FAM8A1: variants seen among roughly 807,000 people sequenced by gnomAD.
FAM8A1 encodes the protein protein FAM8A1.
Under a neutral mutation model 38.3 loss-of-function variants are expected in FAM8A1, and 18 were observed. The ratio of observed to expected loss-of-function variants is 0.47; its 90% CI spans 0.33 to 0.70. The LOEUF (loss-of-function observed/expected upper bound fraction) is 0.70. FAM8A1 is among the 30% of genes least tolerant of loss of function. The pLI, the probability that FAM8A1 is intolerant of heterozygous loss-of-function variation, is 0.03. For missense variants in FAM8A1, 559 were observed against 559.6 expected, an observed-to-expected ratio of 1.00 and a Z score of 0.01; for synonymous variants, 246 against 234.4, an observed-to-expected ratio of 1.05 and a Z score of -0.45.
In FAM8A1 at chr6:17,600,818, G is replaced by T; in HGVS notation, c.409G>T (p.Ala137Ser). The change falls in exon 1 of 5, where the codon GCC (alanine) becomes TCC (serine). Residue 137 changes from alanine (A) to serine (S), a missense_variant. By Grantham distance (99) the Ala-to-Ser change is moderately conservative. Transcript: ENST00000259963. ...GYLTWHSGLA[A>S]FPAYCSPQPS... ...CCTCACCTGGCACAGCGGCCTGGCC[G>T]CCTTCCCAGCCTACTGCAGCCCCCA... 6.2e-7 allele frequency: 1 copy of T among 1,610,718 alleles called. No individual in the cohort carries two copies. Among genetic ancestry groups the T allele is most frequent in the South Asian group, 1.1e-5 (1 of 91,074 alleles).
rs779653266 is a variant in FAM8A1, at chr6:17,600,952, G to T, written c.543G>T (p.Gly181=). Residue 181 remains glycine (G), a synonymous_variant, in exon 1 of 5, where the codon GGG becomes GGT. Transcript: ENST00000259963. ...YYNPFYFLSP[G]AAGPDPRTAA... ...ACCCCTTCTACTTCCTGAGCCCCGGGGCCGCGGGGCCTGACCCGCGGACAG... is the reference window on the plus strand; with the variant it reads ...ACCCCTTCTACTTCCTGAGCCCCGGTGCCGCGGGGCCTGACCCGCGGACAG... 6.3e-7 allele frequency: 1 copy of T among 1,592,430 alleles called. No individual in the cohort carries two copies. The highest frequency in any genetic ancestry group is 8.5e-7 in the Non-Finnish European group (1 of 1,171,814).
In FAM8A1 at chr6:17,601,133, G is replaced by A. The variant is rs768963774; in HGVS notation, c.712+12G>A. On this transcript the variant is annotated intron_variant, in intron 1 of 4. Transcript: ENST00000259963. Reference sequence around the variant, plus strand: ...CGGGCGACAGGCAGGTGAGAAGCGCGAGGTGGAGGCTGGGCGGAGTAGAAG... The same window carrying A: ...CGGGCGACAGGCAGGTGAGAAGCGCAAGGTGGAGGCTGGGCGGAGTAGAAG... The A allele has an allele frequency of 1.9e-6, 3 of 1,580,286 alleles. No homozygotes were observed. Among genetic ancestry groups the A allele is most frequent in the South Asian group, 2.3e-5 (2 of 86,872 alleles).
chr6:17,605,365 C>T (rs564964821), intron 3 of FAM8A1, among the ~76,000 whole-genome samples: 1 of 152,310 alleles, frequency 6.6e-6, no homozygotes, highest in South Asian at 2.1e-4. Flanking sequence ...CAGGCATGAG[C>T]CACTGCACCT....
At chr6:17,604,759 G>C in intron 2 of FAM8A1, 147 bp from the exon 3 acceptor site, 1 of 585,272 alleles carries the variant, frequency 1.7e-6, no homozygotes, top group South Asian at 2.1e-5. Context: ...ATAAACTAAT[G>C]AATGCTTTAT....
rs1764120669 is a variant in FAM8A1, at chr6:17,610,262, T to C, written c.*1923T>C. 1 of 152,304 alleles carries C rather than the reference T, an allele frequency of 6.6e-6. No individual in the cohort carries two copies. The highest frequency in any genetic ancestry group is 2.1e-4 in the South Asian group (1 of 4,830). The allele number at this position is 152,304 out of a possible 1,614,324, so 9.4% of individuals were successfully genotyped here. A position where few individuals can be genotyped will look rare whatever the true frequency, so the allele number is the denominator to read the frequency against. ...CATAATTTCTGCTCAGATAATTGAA[T>C]AGTTTGCCATCGAGATTATTTTCAT... is the stretch of plus-strand genomic sequence containing the variant. On this transcript the variant is annotated 3_prime_UTR_variant, in exon 5 of 5. Coordinates refer to ENST00000259963, the MANE Select transcript of FAM8A1 (RefSeq NM_016255.3).
At position 17,608,272 on chromosome 6, in the gene FAM8A1, A is replaced by G; in HGVS notation, c.1175A>G (p.Gln392Arg). Residue 392 changes from glutamine (Q) to arginine (R), a missense_variant, in exon 5 of 5, where the codon CAG (glutamine) becomes CGG (arginine). This residue lies in a region of FAM8A1 where 166 missense variants were observed against 220.8 expected (regional missense o/e 0.75). Transcript: ENST00000259963. ...FPAFITLLFF[Q>R]HNRTAYDIVA... ...GCTTTCATCACACTGCTGTTTTTTC[A>G]GCATAATCGAACAGCTTATGACATT... The G allele has an allele frequency of 1.9e-6, 3 of 1,613,662 alleles. No individual in the cohort carries two copies. Among genetic ancestry groups the G allele is most frequent in the Non-Finnish European group, 2.5e-6 (3 of 1,179,808 alleles).
intron 2 of FAM8A1, among the ~76,000 whole-genome samples, chr6:17,603,140 G>A (rs1386684152): frequency 2.0e-5 from 3 of 152,220 alleles, no homozygotes; most frequent in East Asian, 1.9e-4. Flanking sequence ...TGCACATACT[G>A]TGGGGCAAGT....
rs548518941 is a variant in FAM8A1, at chr6:17,600,514, C to G, written c.105C>G (p.Ala35=). The G allele has an allele frequency of 5.0e-5, 76 of 1,534,546 alleles. No homozygotes were observed. The African/African-American group carries it at 9.9e-4, about 20-fold the overall frequency. ...CCCTGAGAGGCCCTCCTACCACCGC[C>G]GTCCCATGCCCCCGCGACGACCCCC... ...VPSLRGPPTT[A]VPCPRDDPQA... The change falls in exon 1 of 5, where the codon GCC becomes GCG. Residue 35 remains alanine (A), a synonymous_variant. Coordinates refer to ENST00000259963, the MANE Select transcript of FAM8A1 (RefSeq NM_016255.3).
chr6:17,601,829 G>A (rs1581639558), intron 1 of FAM8A1, among the ~76,000 whole-genome samples: 1 of 147,528 alleles, frequency 6.8e-6, no homozygotes, highest in East Asian at 2.1e-4. Flanking sequence ...TTTAAAGAAA[G>A]CAAAACAAAC....
intron 1 of FAM8A1, among the ~76,000 whole-genome samples, chr6:17,601,951 C>G (rs1260257722): frequency 2.0e-5 from 3 of 152,104 alleles, no homozygotes; most frequent in Non-Finnish European, 4.4e-5. Flanking sequence ...ATGTGATCAC[C>G]TGGATTCTCC....
chr6:17,608,549 A>G lies in FAM8A1; in HGVS notation c.*210A>G. 1 of 422,590 alleles carries G rather than the reference A, an allele frequency of 2.4e-6. No homozygotes were observed. The highest frequency in any genetic ancestry group is 2.0e-5 in the African/African-American group (1 of 49,228). The allele number at this position is 422,590 out of a possible 1,614,324, so 26.2% of individuals were successfully genotyped here. On this transcript the variant is annotated 3_prime_UTR_variant, in exon 5 of 5. Transcript: ENST00000259963. ...GTTAAATTCAAGTATTAAAATTTTT[A>G]GATCAAAAAGGCAAATGATTTTATA...
At position 17,600,789 on chromosome 6, in the gene FAM8A1, G is replaced by C; in HGVS notation, c.380G>C (p.Gly127Ala). 1 of 1,611,202 alleles carries C rather than the reference G, an allele frequency of 6.2e-7. No individual in the cohort carries two copies. The highest frequency in any genetic ancestry group is 8.5e-7 in the Non-Finnish European group (1 of 1,179,680). The stretch of plus-strand genomic sequence containing the variant: ...GAGTGGCTGTGGCAGTCCTACTGCG[G>C]CTACCTCACCTGGCACAGCGGCCTG... ...VHEWLWQSYCGYLTWHSGLAA... is the reference protein window; with the variant it reads ...VHEWLWQSYCAYLTWHSGLAA... The change falls in exon 1 of 5, where the codon GGC becomes GCC. Residue 127 changes from glycine (G) to alanine (A), a missense_variant. Gly to Ala is a moderately conservative substitution (Grantham distance 60). Around this residue, in one of 2 missense-constraint regions of FAM8A1, gnomAD observed 393 missense variants for 338.9 expected, o/e 1.16. Coordinates refer to ENST00000259963, the MANE Select transcript of FAM8A1 (RefSeq NM_016255.3).
At chr6:17,605,200 C>T (rs1764036691) in intron 3 of FAM8A1, among the ~76,000 whole-genome samples, 171 bp downstream of exon 3, 1 of 152,218 alleles carries the variant, frequency 6.6e-6, no homozygotes, top group Admixed American at 6.5e-5. Context: ...CCTGTCTCAG[C>T]CTCCTGAGTA....
intron 4 of FAM8A1, 65 bp from the exon 5 acceptor site, chr6:17,608,130 G>A: frequency 6.6e-7 from 1 of 1,525,798 alleles, no homozygotes; most frequent in Non-Finnish European, 9.0e-7. Context: ...AACTTGATGG[G>A]ATACCATTAA....
rs112417120 is a variant in FAM8A1 at position 17,606,197 on chromosome 6, ATTTTTTT to A, written c.1097+197_1097+203del. On this transcript the variant is annotated intron_variant, in intron 4 of 4. Transcript: ENST00000259963. ...TTTTACAGTACACATTTTCAAGATGATTTTTTTTTTTTTTTTTTTGTGAGACGGAGTC... is the reference window on the plus strand; with the variant it reads ...TTTTACAGTACACATTTTCAAGATGATTTTTTTTTTTTGTGAGACGGAGTC... Among the ~76,000 whole-genome samples the A allele has an allele frequency of 2.3e-5, 3 of 131,488 alleles. 1 individual carries two copies. Among genetic ancestry groups the A allele is most frequent in the African/African-American group, 9.1e-5 (3 of 33,020 alleles). The allele number at this position is 131,488 out of a possible 152,430, so 86.3% of individuals were successfully genotyped here. A position where few individuals can be genotyped will look rare whatever the true frequency, so the allele number is the denominator to read the frequency against.
Position 17,611,274 on chromosome 6 carries a change from CATAAGT to C in FAM8A1, c.*2938_*2943del, listed in dbSNP as rs1407111049. 6.6e-6 allele frequency: 1 copy of C among 152,382 alleles called. No individual in the cohort carries two copies. The highest frequency in any genetic ancestry group is 1.5e-5 in the Non-Finnish European group (1 of 68,008). The allele number at this position is 152,382 out of a possible 1,614,324, so 9.4% of individuals were successfully genotyped here. On this transcript the variant is annotated 3_prime_UTR_variant, in exon 5 of 5. Transcript: ENST00000259963. ...CAGTGACTTGAGTGTTTTAGTTATG[CATAAGT>C]ATTTCTAGCAAAGGAAGGGTAGAAA... is the stretch of plus-strand genomic sequence containing the variant.
At position 17,600,890 on chromosome 6, in the gene FAM8A1, G is replaced by T. The variant is rs1034587918; in HGVS notation, c.481G>T (p.Ala161Ser). 1.3e-5 allele frequency: 20 copies of T among 1,596,926 alleles called. No homozygotes were observed. Among genetic ancestry groups the T allele is most frequent in the Non-Finnish European group, 1.7e-5 (20 of 1,174,678 alleles). Residue 161 changes from alanine (A) to serine (S), a missense_variant, in exon 1 of 5, where the codon GCC (alanine) becomes TCC (serine). By Grantham distance (99) the Ala-to-Ser change is moderately conservative. Around this residue, in one of 2 missense-constraint regions of FAM8A1, gnomAD observed 393 missense variants for 338.9 expected, o/e 1.16. Coordinates refer to ENST00000259963, the MANE Select transcript of FAM8A1 (RefSeq NM_016255.3). ...TTCGGGCGGCGCTGCAGTCCCCCAG[G>T]CCGCGGCGCCGCCGCCCCCGCAGCT... ...FPSGGAAVPQ[A>S]AAPPPPQLGY...
rs781501885 is a variant in FAM8A1, at chr6:17,600,709, G to A, written c.300G>A (p.Ala100=). Residue 100 remains alanine (A), a synonymous_variant, in exon 1 of 5, where the codon GCG becomes GCA. Coordinates refer to ENST00000259963, the MANE Select transcript of FAM8A1 (RefSeq NM_016255.3). The part of the protein sequence containing the change: ...QAGCEAPEAA[A]PRERPARLSA... ...GCTGCGAGGCGCCCGAAGCCGCGGCGCCACGAGAGAGACCAGCTCGGCTGA... is the reference window on the plus strand; with the variant it reads ...GCTGCGAGGCGCCCGAAGCCGCGGCACCACGAGAGAGACCAGCTCGGCTGA... 1 of 1,569,430 alleles carries A rather than the reference G, an allele frequency of 6.4e-7. No individual in the cohort carries two copies. The highest frequency in any genetic ancestry group is 1.1e-5 in the South Asian group (1 of 88,628).
rs201092917 is a variant in FAM8A1 at position 17,605,859 on chromosome 6, T to C, written c.958-15T>C. 6.7e-7 allele frequency: 1 copy of C among 1,481,998 alleles called. No individual in the cohort carries two copies. The highest frequency in any genetic ancestry group is 9.0e-7 in the Non-Finnish European group (1 of 1,105,302). 91.8% of individuals were successfully genotyped at this position (1,481,998 alleles called of 1,614,324 possible). A position where few individuals can be genotyped will look rare whatever the true frequency, so the allele number is the denominator to read the frequency against. On this transcript the variant is annotated splice_polypyrimidine_tract_variant and intron_variant, in intron 3 of 4. Coordinates refer to ENST00000259963, the MANE Select transcript of FAM8A1 (RefSeq NM_016255.3). ...AGTTGAGCCAGTAATTTTTAAATCA[T>C]CCTTCTTTCCTTAGATAATTTGCAT...
Sources: allele counts gnomAD v4.1 joint callset (sites outside exome capture counted in the v4.1 genomes callset), GRCh38; gene constraint gnomAD v4.1.1; regional missense constraint gnomAD v4.1.1; transcripts MANE v1.5; gene names NCBI Gene and HGNC (gene_info 2026-07-23, HGNC 2026-07-21).